The following DAB1 variants were observed in gnomAD, a reference collection of about 807,000 sequenced individuals.
The protein encoded by DAB1 is DAB adaptor protein 1, also known as disabled homolog 1.
DAB1 carries 15 observed loss-of-function variants against 64.6 expected under a neutral mutation model. The observed-to-expected ratio is 0.23, with a 90% CI of 0.16 to 0.36. The LOEUF (loss-of-function observed/expected upper bound fraction) is 0.36, where lower values mean the gene tolerates loss of function less well. Ranked by LOEUF, DAB1 falls within the 10% of genes least tolerant of loss-of-function variation. DAB1 has a pLI of 1.00. For missense variants in DAB1, 596 were observed against 706.7 expected (o/e 0.84, Z 1.78); for synonymous variants, 235 against 251.9 (o/e 0.93, Z 0.64).
chr1:58,415,823 C>T (rs1027810575), intron 3 of DAB1, among the ~76,000 whole-genome samples: 1 of 152,206 alleles, frequency 6.6e-6, no homozygotes, highest in African/African-American at 2.4e-5. Context: ...GCCAGACTGT[C>T]TGGGTTCTAA....
At chr1:57,473,332 G>A (rs562944324) in intron 7 of DAB1, among the ~76,000 whole-genome samples, 19 of 152,242 alleles carry the variant, frequency 1.2e-4, no homozygotes, top group South Asian at 8.3e-4. Flanking sequence ...ATTGATTGCC[G>A]CCCTTCTCTG....
intron 5 of DAB1, among the ~76,000 whole-genome samples, chr1:58,100,016 T>G (rs2100629675): frequency 6.6e-6 from 1 of 152,346 alleles, no homozygotes; most frequent in African/African-American, 2.4e-5. Flanking sequence ...AACTTGCTTA[T>G]CACCACCCTG....
chr1:57,685,155 T>C (rs1444075866), intron 6 of DAB1, among the ~76,000 whole-genome samples: 3 of 151,830 alleles, frequency 2.0e-5, no homozygotes, highest in African/African-American at 7.3e-5. Flanking sequence ...GGTTTCACCA[T>C]GTTAGCCAGG....
chr1:57,799,716 G>T (rs1651038351), intron 6 of DAB1, among the ~76,000 whole-genome samples: 1 of 152,060 alleles, frequency 6.6e-6, no homozygotes, highest in Non-Finnish European at 1.5e-5. Flanking sequence ...AGCTAAGAAT[G>T]GTTTTTACAT....
At chr1:57,861,374 C>T (rs1226730913) in intron 1 of DAB1, among the ~76,000 whole-genome samples, 1 of 152,316 alleles carries the variant, frequency 6.6e-6, no homozygotes, top group East Asian at 1.9e-4. Context: ...GGGCCCTCTT[C>T]TGGGTTACAG....
chr1:57,234,962 C>T (rs1323450470), intron 2 of DAB1, among the ~76,000 whole-genome samples: 1 of 152,210 alleles, frequency 6.6e-6, no homozygotes, highest in African/African-American at 2.4e-5. Context: ...CTTATATCAT[C>T]GGACAGAGAC....
chr1:57,028,480 C>T (rs764796524), intron 9 of DAB1, among the ~76,000 whole-genome samples: 3 of 151,972 alleles, frequency 2.0e-5, no homozygotes, highest in Admixed American at 2.0e-4. Context: ...TGAAAAGATA[C>T]CCAAAAATGT....
At chr1:57,274,382 C>T (rs1371254972) in intron 2 of DAB1, among the ~76,000 whole-genome samples, 1 of 152,152 alleles carries the variant, frequency 6.6e-6, no homozygotes, top group Non-Finnish European at 1.5e-5. Flanking sequence ...AGCAAGTTGC[C>T]TCCCACAAAT....
intron 8 of DAB1, among the ~76,000 whole-genome samples, chr1:57,065,807 C>T (rs1650849402): frequency 6.6e-6 from 1 of 152,180 alleles, no homozygotes; most frequent in Non-Finnish European, 1.5e-5. Context: ...ACTTCAGTTG[C>T]CCCATCTGCC....
intron 5 of DAB1, among the ~76,000 whole-genome samples, chr1:57,932,519 G>A (rs192447435): frequency 6.0e-5 from 9 of 150,382 alleles, no homozygotes; most frequent in Admixed American, 1.3e-4. Flanking sequence ...CACCATGTTG[G>A]TCAGATAGAA....
At chr1:57,415,689 T>A (rs1684441613) in intron 1 of DAB1, among the ~76,000 whole-genome samples, 1 of 152,186 alleles carries the variant, frequency 6.6e-6, no homozygotes, top group Non-Finnish European at 1.5e-5. Context: ...TTTGAATGGA[T>A]GTGGCTTATA....
chr1:58,172,431 A>G (rs1259003049), intron 4 of DAB1, among the ~76,000 whole-genome samples: 1 of 152,222 alleles, frequency 6.6e-6, no homozygotes, highest in Non-Finnish European at 1.5e-5. Context: ...CATGATGTAA[A>G]TGGCATACTA....
chr1:57,445,413 G>C (rs180980756), intron 7 of DAB1, among the ~76,000 whole-genome samples: 66 of 152,204 alleles, frequency 4.3e-4, no homozygotes, highest in African/African-American at 1.5e-3. Flanking sequence ...TACTTATATA[G>C]TTCCCATACC....
intron 1 of DAB1, among the ~76,000 whole-genome samples, chr1:57,336,754 G>A (rs1162001740): frequency 6.6e-6 from 1 of 152,148 alleles, no homozygotes; most frequent in Admixed American, 6.5e-5. Context: ...TGTCTACCCT[G>A]TTGATTACAG....
chr1:57,951,193 C>A (rs1050288391), intron 5 of DAB1, among the ~76,000 whole-genome samples: 1 of 151,188 alleles, frequency 6.6e-6, no homozygotes, highest in African/African-American at 2.4e-5. Context: ...CAATCTGCTC[C>A]TTTCCCCCAA....
rs1379476283 is a variant in DAB1, at chr1:57,842,488, A to G, written n.88-16033T>C. 5.3e-5 allele frequency among the ~76,000 whole-genome samples: 8 copies of G among 152,212 alleles called. No individual in the cohort carries two copies. In the South Asian group the frequency reaches 1.2e-3, roughly 24 times the overall value. On this transcript the variant is annotated intron_variant and non_coding_transcript_variant, in intron 1 of 1. Transcript: ENST00000477280. ...ATTTTCTATACTAGTCCATTTTTAC[A>G]CTGCTACAAAGAAACTACCTGAGAC...
At chr1:57,729,782 C>CA (rs1647330614) in intron 6 of DAB1, among the ~76,000 whole-genome samples, 1 of 152,176 alleles carries the variant, frequency 6.6e-6, no homozygotes, top group Admixed American at 6.5e-5. Flanking sequence ...ACCTTATGTC[C>CA]AGGCATGGTG....
intron 2 of DAB1, among the ~76,000 whole-genome samples, chr1:57,165,710 G>A (rs748608910): frequency 2.6e-5 from 4 of 152,204 alleles, no homozygotes; most frequent in Non-Finnish European, 5.9e-5. Context: ...AACTTGCCCA[G>A]AGTTCACATA....
intron 2 of DAB1, among the ~76,000 whole-genome samples, chr1:58,511,294 GA>G (rs1646072891): frequency 6.6e-6 from 1 of 152,154 alleles, no homozygotes; most frequent in African/African-American, 2.4e-5. Flanking sequence ...GAATGGAACA[GA>G]AGAGAGAGCC....
Sources: gnomAD v4.1 joint callset for allele counts (sites outside exome capture counted in the v4.1 genomes callset) on GRCh38, gnomAD v4.1.1 for gene constraint, MANE v1.5 for transcripts, NCBI Gene and HGNC (gene_info 2026-07-23, HGNC 2026-07-21) for gene names.